The following AKAP13 variants were observed in gnomAD, a reference collection of about 807,000 sequenced individuals.
The protein encoded by AKAP13 is A-kinase anchor protein 13.
In AKAP13, 80 loss-of-function variants were observed where a neutral mutation model predicts 264.5. The observed-to-expected ratio is 0.30, with a 90% CI of 0.25 to 0.36. The LOEUF is 0.36. AKAP13 is among the 10% of genes least tolerant of loss of function. AKAP13 has a pLI of 1.00. For synonymous variants in AKAP13, 1,380 were observed against 1,250.2 expected, an observed-to-expected ratio of 1.10 and a Z score of -2.19; for missense variants, 3,712 against 3,435.2, an observed-to-expected ratio of 1.08 and a Z score of -2.01.
chr15:85,608,504 T>C (rs1387941343), intron 8 of AKAP13, among the ~76,000 whole-genome samples: 2 of 152,176 alleles, frequency 1.3e-5, no homozygotes, highest in African/African-American at 4.8e-5. Flanking sequence ...CAACATGCAG[T>C]AGCAATGAAC....
At chr15:85,703,604 G>C (rs1272654837) in intron 17 of AKAP13, among the ~76,000 whole-genome samples, 1 of 152,196 alleles carries the variant, frequency 6.6e-6, no homozygotes, top group Admixed American at 6.5e-5. Context: ...CACTTTGGAA[G>C]GCTGAGGCGG....
rs1358764298 is a variant in AKAP13 at position 85,420,207 on chromosome 15, C to T, written c.-12+39409C>T. Among the ~76,000 whole-genome samples the T allele has an allele frequency of 8.6e-5, 13 of 151,776 alleles. No homozygotes were observed. In the East Asian group the frequency reaches 2.5e-3, roughly 29 times the overall value. On this transcript the variant is annotated intron_variant, in intron 1 of 36. Transcript: ENST00000394518. Reference sequence around the variant, plus strand: ...CCGCCCGCCTCGGCCTCCCAAAGTGCTGGGATTACAGGCGTGAGCCACCGC... The same window carrying T: ...CCGCCCGCCTCGGCCTCCCAAAGTGTTGGGATTACAGGCGTGAGCCACCGC...
intron 1 of AKAP13, among the ~76,000 whole-genome samples, chr15:85,386,961 C>A (rs1463144846): frequency 2.0e-5 from 3 of 152,032 alleles, no homozygotes; most frequent in Non-Finnish European, 4.4e-5. Context: ...AGTTGCATTG[C>A]CTTTTGTGCA....
rs1280399275 is a variant in AKAP13, at chr15:85,719,468, C to T, written c.6252+142C>T. ...GGAACTTATTTAATTTCTCTGGAGCCTTGATTTCCTTTTCTGTAAAATGCA... is the reference window on the plus strand; with the variant it reads ...GGAACTTATTTAATTTCTCTGGAGCTTTGATTTCCTTTTCTGTAAAATGCA... On this transcript the variant is annotated intron_variant, in intron 23 of 36. Coordinates refer to ENST00000394518, the MANE Select transcript of AKAP13 (RefSeq NM_007200.5). 3.4e-6 allele frequency: 4 copies of T among 1,176,242 alleles called. No individual in the cohort carries two copies. In the African/African-American group the frequency reaches 6.2e-5, roughly 18 times the overall value. 72.9% of individuals were successfully genotyped at this position (1,176,242 alleles called of 1,614,324 possible). A position where few individuals can be genotyped will look rare whatever the true frequency, so the allele number is the denominator to read the frequency against.
chr15:85,647,147 C>T (rs984691637), intron 10 of AKAP13, among the ~76,000 whole-genome samples: 2 of 152,252 alleles, frequency 1.3e-5, no homozygotes, highest in African/African-American at 4.8e-5. Flanking sequence ...GCATGTAATC[C>T]CAGCACTTTG....
rs531259533 is a variant in AKAP13 at position 85,513,983 on chromosome 15, A to G, written c.34-7445A>G. Reference sequence around the variant, plus strand: ...GATCTTTATTTTGATTAACCTGTTCAGTGTATTGGCAGATTTCGCTGAATG... The same window carrying G: ...GATCTTTATTTTGATTAACCTGTTCGGTGTATTGGCAGATTTCGCTGAATG... On this transcript the variant is annotated intron_variant, in intron 2 of 36. Coordinates refer to ENST00000394518, the MANE Select transcript of AKAP13 (RefSeq NM_007200.5). Among the ~76,000 whole-genome samples, 7 of 137,684 alleles carry G rather than the reference A, an allele frequency of 5.1e-5. No individual in the cohort carries two copies. In the South Asian group the frequency reaches 1.3e-3, roughly 26 times the overall value. 90.3% of individuals were successfully genotyped at this position (137,684 alleles called of 152,430 possible). A position where few individuals can be genotyped will look rare whatever the true frequency, so the allele number is the denominator to read the frequency against.
intron 8 of AKAP13, among the ~76,000 whole-genome samples, chr15:85,623,274 T>C (rs1472912590): frequency 1.3e-5 from 2 of 152,258 alleles, no homozygotes; most frequent in Non-Finnish European, 2.9e-5. Context: ...GTTGGTTAAA[T>C]GAATTTATCT....
intron 4 of AKAP13, among the ~76,000 whole-genome samples, chr15:85,541,064 G>T (rs1422495995): frequency 6.6e-6 from 1 of 152,184 alleles, no homozygotes; most frequent in Non-Finnish European, 1.5e-5. Flanking sequence ...TGGCACAAAA[G>T]AACTTTTTTG....
At chr15:85,479,636 AATTG>A (rs1242349490) in intron 1 of AKAP13, among the ~76,000 whole-genome samples, 1 of 152,116 alleles carries the variant, frequency 6.6e-6, no homozygotes, top group African/African-American at 2.4e-5. Context: ...AAACCCTGTC[AATTG>A]ATGTGGTAGG....
intron 5 of AKAP13, among the ~76,000 whole-genome samples, chr15:85,554,893 A>C (rs545008955): frequency 6.6e-6 from 1 of 152,280 alleles, no homozygotes; most frequent in South Asian, 2.1e-4. Flanking sequence ...TTACCTTATA[A>C]AACTTTTTTT....
intron 5 of AKAP13, among the ~76,000 whole-genome samples, chr15:85,567,768 G>T (rs1218905227): frequency 1.3e-5 from 2 of 152,118 alleles, no homozygotes; most frequent in Non-Finnish European, 2.9e-5. Context: ...AAAAAAAAGT[G>T]ATAAAGAGAA....
chr15:85,420,474 A>C (rs1436274384), intron 1 of AKAP13, among the ~76,000 whole-genome samples: 1 of 152,060 alleles, frequency 6.6e-6, no homozygotes. Context: ...GTATGGTATG[A>C]TTCTGATTAT....
At chr15:85,555,463 C>G in intron 5 of AKAP13, 1 of 1,288,740 alleles carries the variant, frequency 7.8e-7, no homozygotes, top group Non-Finnish European at 1.0e-6. Flanking sequence ...GATGGGCTTG[C>G]GATATTCGGG....
intron 17 of AKAP13, among the ~76,000 whole-genome samples, chr15:85,700,865 TAAG>T (rs886136470): frequency 2.0e-5 from 3 of 152,202 alleles, no homozygotes; most frequent in African/African-American, 7.2e-5. Flanking sequence ...TGAAGAACGT[TAAG>T]ATGTTCTCTG....
intron 5 of AKAP13, among the ~76,000 whole-genome samples, chr15:85,552,098 C>T (rs944707834): frequency 3.9e-5 from 6 of 152,060 alleles, no homozygotes; most frequent in South Asian, 2.1e-4. Flanking sequence ...TGAAGTTACG[C>T]GATACAAGAA....
At chr15:85,725,502 C>A (rs989183244) in intron 26 of AKAP13, among the ~76,000 whole-genome samples, 1 of 152,092 alleles carries the variant, frequency 6.6e-6, no homozygotes, top group African/African-American at 2.4e-5. Context: ...AAAAATTAGA[C>A]CTCCCTAGGA....
At chr15:85,700,263 A>G (rs1028275881) in intron 17 of AKAP13, among the ~76,000 whole-genome samples, 2 of 152,222 alleles carry the variant, frequency 1.3e-5, no homozygotes, top group African/African-American at 2.4e-5. Flanking sequence ...AGGAGAATGC[A>G]CAGGCATCCT....
chr15:85,542,981 G>A (rs2077620814), intron 4 of AKAP13, among the ~76,000 whole-genome samples: 1 of 152,168 alleles, frequency 6.6e-6, no homozygotes, highest in Admixed American at 6.5e-5. Context: ...TCACACAGAT[G>A]GTAAATGCCA....
At chr15:85,668,505 T>C (rs2083728601) in intron 13 of AKAP13, among the ~76,000 whole-genome samples, 1 of 152,258 alleles carries the variant, frequency 6.6e-6, no homozygotes, top group East Asian at 1.9e-4. Context: ...AGTTAAATTA[T>C]CAAATTTCAG....
Sources: gnomAD v4.1 joint callset for allele counts (sites outside exome capture counted in the v4.1 genomes callset) on GRCh38, gnomAD v4.1.1 for gene constraint, MANE v1.5 for transcripts, NCBI Gene and HGNC (gene_info 2026-07-23, HGNC 2026-07-21) for gene names.